Variants in CTNNA2 observed in about 807,000 individuals in gnomAD.
CTNNA2 encodes catenin alpha-2.
In CTNNA2, 42 loss-of-function variants were observed where a neutral mutation model predicts 101.0. The ratio of observed to expected loss-of-function variants is 0.42; its 90% CI spans 0.32 to 0.54. The LOEUF (loss-of-function observed/expected upper bound fraction) is 0.54, where lower values mean the gene tolerates loss of function less well. CTNNA2 is among the 20% of genes least tolerant of loss of function. The probability of loss-of-function intolerance (pLI) is 0.14; values close to 1 mark genes in which losing one functional copy is unlikely to be tolerated. For synonymous variants in CTNNA2, 450 were observed against 456.4 expected (o/e 0.99, Z 0.18); for missense variants, 871 against 1,223.1 (o/e 0.71, Z 4.29).
At chr2:80,505,629 C>T (rs2149540793) in intron 9 of CTNNA2, among the ~76,000 whole-genome samples, 1 of 152,294 alleles carries the variant, frequency 6.6e-6, no homozygotes, top group Middle Eastern at 3.4e-3. Context: ...TAAAGTTCCA[C>T]AACAGTGGGC....
At chr2:80,005,201 G>C (rs1693251148) in intron 7 of CTNNA2, among the ~76,000 whole-genome samples, 1 of 152,186 alleles carries the variant, frequency 6.6e-6, no homozygotes, top group African/African-American at 2.4e-5. Context: ...TTAGGGCCCT[G>C]CATGCAGTTG....
chr2:79,956,848 T>TTTTTTCTTTTTTC (rs1211644207), intron 7 of CTNNA2, among the ~76,000 whole-genome samples: 15 of 35,614 alleles, frequency 4.2e-4, no homozygotes, highest in Non-Finnish European at 4.7e-4. Context: ...TGTGGGTTTT[T>TTTTTTCTTTTTTC]TTTTTTTTTT....
intron 2 of CTNNA2, among the ~76,000 whole-genome samples, chr2:79,312,441 A>G (rs114912036): frequency 6.6e-6 from 1 of 152,222 alleles, no homozygotes; most frequent in African/African-American, 2.4e-5. Context: ...CGTTATTCTC[A>G]TTTTTCATTC....
chr2:80,138,827 G>T (rs1443013981), intron 7 of CTNNA2, among the ~76,000 whole-genome samples: 3 of 152,098 alleles, frequency 2.0e-5, no homozygotes, highest in Non-Finnish European at 4.4e-5. Flanking sequence ...TATCCTTAGA[G>T]ATCAATAAAA....
chr2:80,359,776 G>C (rs541870643), intron 7 of CTNNA2, among the ~76,000 whole-genome samples: 17 of 152,124 alleles, frequency 1.1e-4, no homozygotes, highest in Non-Finnish European at 2.2e-4. Flanking sequence ...CTAATATGCT[G>C]TCTTAATTAT....
At chr2:79,416,801 TA>T (rs1204367888) in intron 4 of CTNNA2, among the ~76,000 whole-genome samples, 3 of 152,054 alleles carry the variant, frequency 2.0e-5, no homozygotes, top group Non-Finnish European at 4.4e-5. Context: ...GGAAATTTTT[TA>T]GGCAGCTCAA....
At chr2:79,963,691 A>AT (rs1689824544) in intron 7 of CTNNA2, among the ~76,000 whole-genome samples, 1 of 152,170 alleles carries the variant, frequency 6.6e-6, no homozygotes, top group Admixed American at 6.5e-5. Context: ...GCCCACCCAC[A>AT]TTATCCCAGC....
At chr2:79,652,085 T>C (rs1681296268) in intron 2 of CTNNA2, among the ~76,000 whole-genome samples, 1 of 152,228 alleles carries the variant, frequency 6.6e-6, no homozygotes, top group African/African-American at 2.4e-5. Context: ...AGTGATGAGA[T>C]GTTCCATTTT....
At chr2:80,149,033 T>A (rs1239978585) in intron 7 of CTNNA2, among the ~76,000 whole-genome samples, 3 of 151,164 alleles carry the variant, frequency 2.0e-5, no homozygotes, top group Non-Finnish European at 1.5e-5. Flanking sequence ...ATTTTTTTTT[T>A]TTTTTTTTTT....
At chr2:80,427,663 C>T (rs978980953) in intron 9 of CTNNA2, among the ~76,000 whole-genome samples, 1 of 152,230 alleles carries the variant, frequency 6.6e-6, no homozygotes, top group Non-Finnish European at 1.5e-5. Flanking sequence ...ACTGGAAATT[C>T]AGGGCTTGGA....
chr2:79,303,652 C>A (rs1172087154), intron 2 of CTNNA2, among the ~76,000 whole-genome samples: 2 of 151,960 alleles, frequency 1.3e-5, no homozygotes, highest in Non-Finnish European at 2.9e-5. Flanking sequence ...TCTAGGAGAG[C>A]CCTGATGAGG....
Position 80,615,450 on chromosome 2 carries a change from AAAGTCTCTTT to A in CTNNA2, c.2431-3633_2431-3624del, listed in dbSNP as rs530505139. Among the ~76,000 whole-genome samples the A allele has an allele frequency of 5.1e-3, 777 of 151,734 alleles. 10 individuals are homozygous for A. The highest frequency in any genetic ancestry group is 0.016 in the African/African-American group (683 of 41,498). On this transcript the variant is annotated intron_variant, in intron 17 of 18. Transcript: ENST00000402739. The stretch of plus-strand genomic sequence containing the variant: ...TATATTTTGACTGAGTTGGGAATTT[AAAGTCTCTTT>A]ATCTCTAATACCAAATAATTTTCAT...
intron 1 of CTNNA2, among the ~76,000 whole-genome samples, chr2:79,515,195 A>G (rs1224676197): frequency 6.6e-6 from 1 of 152,198 alleles, no homozygotes; most frequent in African/African-American, 2.4e-5. Context: ...CCTGATGCAG[A>G]TTGCAGTCAA....
At chr2:79,355,112 T>C (rs1453187202) in intron 3 of CTNNA2, among the ~76,000 whole-genome samples, 1 of 152,170 alleles carries the variant, frequency 6.6e-6, no homozygotes, top group Non-Finnish European at 1.5e-5. Context: ...ACCAGTACCA[T>C]GCTGTTTTAG....
At chr2:80,602,218 A>C (rs1328517810) in intron 15 of CTNNA2, among the ~76,000 whole-genome samples, 1 of 152,022 alleles carries the variant, frequency 6.6e-6, no homozygotes, top group Non-Finnish European at 1.5e-5. Flanking sequence ...CATACTAGTA[A>C]GTCTATGAAC....
intron 4 of CTNNA2, among the ~76,000 whole-genome samples, chr2:79,409,245 A>G (rs1288055819): frequency 1.3e-5 from 2 of 152,064 alleles, no homozygotes; most frequent in Admixed American, 6.6e-5. Context: ...CCCATTTTGT[A>G]GGTTGCCTGT....
At chr2:79,277,901 G>A (rs1021800014) in intron 2 of CTNNA2, among the ~76,000 whole-genome samples, 2 of 152,074 alleles carry the variant, frequency 1.3e-5, no homozygotes, top group African/African-American at 4.8e-5. Context: ...GTGCTCCAAA[G>A]CCCTCTAGAG....
At chr2:79,718,194 T>G (rs13010301) in intron 2 of CTNNA2, among the ~76,000 whole-genome samples, 25,891 of 150,962 alleles carry the variant, frequency 0.17, 2,473 homozygotes, top group Middle Eastern at 0.23. Flanking sequence ...TTGATACGAC[T>G]TTTATTACTT....
chr2:80,516,133 ATC>A (rs1689092012), intron 9 of CTNNA2, among the ~76,000 whole-genome samples: 1 of 152,108 alleles, frequency 6.6e-6, no homozygotes, highest in Non-Finnish European at 1.5e-5. Context: ...CAAGCTTAAC[ATC>A]TCTGGGGCAG....
Sources: gnomAD v4.1 joint callset for allele counts (sites outside exome capture counted in the v4.1 genomes callset) on GRCh38, gnomAD v4.1.1 for gene constraint, MANE v1.5 for transcripts, NCBI Gene and HGNC (gene_info 2026-07-23, HGNC 2026-07-21) for gene names.